TMEM131L: variants seen among roughly 807,000 people sequenced by gnomAD.
TMEM131L encodes the protein transmembrane protein 131-like.
TMEM131L carries 54 observed loss-of-function variants against 192.2 expected under a neutral mutation model. The observed-to-expected ratio is 0.28, with a 90% confidence interval of 0.23 to 0.35. The LOEUF is 0.35. Among genes scored for constraint, TMEM131L ranks in the 10% least tolerant of loss-of-function variants. TMEM131L has a pLI of 1.00. For synonymous variants in TMEM131L, 701 were observed against 704.9 expected, an observed-to-expected ratio of 0.99 and a Z score of 0.09; for missense variants, 1,888 against 1,972.9, an observed-to-expected ratio of 0.96 and a Z score of 0.82.
chr4:153,553,582 A>G (rs1319413692), intron 4 of TMEM131L, among the ~76,000 whole-genome samples: 1 of 152,036 alleles, frequency 6.6e-6, no homozygotes, highest in Admixed American at 6.6e-5. Context: ...CTTTAGCCTG[A>G]GGGTTCTCCT....
rs770529108 is a variant in TMEM131L, at chr4:153,583,237, A to G, written c.940A>G (p.Ile314Val). 1.4e-6 allele frequency: 2 copies of G among 1,426,464 alleles called. No individual in the cohort carries two copies. The highest frequency in any genetic ancestry group is 2.0e-6 in the Non-Finnish European group (2 of 1,009,348). The allele number at this position is 1,426,464 out of a possible 1,614,324, so 88.4% of individuals were successfully genotyped here. A position where few individuals can be genotyped will look rare whatever the true frequency, so the allele number is the denominator to read the frequency against. Residue 314 changes from isoleucine to valine, a missense_variant, in exon 10 of 35, where the codon ATA (isoleucine) becomes GTA (valine). Transcript: ENST00000409959. Reference protein sequence around the residue: ...MYILHSGNSLIWIQDIRHFSQ... With the variant: ...MYILHSGNSLVWIQDIRHFSQ... ...TATATTACATTCAGGAAACAGCCTT[A>G]TATGGATACAGGTAATTGTAAATGC...
intron 26 of TMEM131L, among the ~76,000 whole-genome samples, chr4:153,617,479 C>CA (rs1733062006): frequency 6.6e-6 from 1 of 152,132 alleles, no homozygotes; most frequent in African/African-American, 2.4e-5. Context: ...CTCTGTGCGG[C>CA]AAAAATTGTT....
chr4:153,533,142 A>G (rs1212651795), intron 3 of TMEM131L, among the ~76,000 whole-genome samples: 2 of 152,006 alleles, frequency 1.3e-5, no homozygotes, highest in African/African-American at 4.8e-5. Flanking sequence ...ATGCACTACC[A>G]CACCCGGCTA....
intron 21 of TMEM131L, among the ~76,000 whole-genome samples, chr4:153,601,169 A>T (rs1395116642): frequency 6.6e-6 from 1 of 151,892 alleles, no homozygotes; most frequent in Non-Finnish European, 1.5e-5. Flanking sequence ...TACAATATTT[A>T]TTATTCCATT....
chr4:153,513,863 A>C (rs1220633209), intron 3 of TMEM131L, among the ~76,000 whole-genome samples: 1 of 152,214 alleles, frequency 6.6e-6, no homozygotes, highest in African/African-American at 2.4e-5. Context: ...AATTACACTA[A>C]AAATTCTTGA....
At chr4:153,477,329 C>G (rs968636963) in intron 3 of TMEM131L, among the ~76,000 whole-genome samples, 1 of 152,102 alleles carries the variant, frequency 6.6e-6, no homozygotes, top group African/African-American at 2.4e-5. Flanking sequence ...CTCTGGAGCT[C>G]GGAGGCCAGG....
At chr4:153,582,420 G>GTTTTTTTTTTTTTTTTTTTT (rs1216119441) in intron 9 of TMEM131L, among the ~76,000 whole-genome samples, 7 of 81,834 alleles carry the variant, frequency 8.6e-5, no homozygotes, top group Non-Finnish European at 1.4e-4. Flanking sequence ...AATTTAAACC[G>GTTTTTTTTTTTTTTTTTTTT]TTTTTTTTTG....
chr4:153,583,226 G>A lies in TMEM131L; in HGVS notation c.929G>A (p.Gly310Glu), dbSNP rs911121946. 8 of 1,465,466 alleles carry A rather than the reference G, an allele frequency of 5.5e-6. No homozygotes were observed. The highest frequency in any genetic ancestry group is 4.2e-5 in the African/African-American group (3 of 71,906). 90.8% of individuals were successfully genotyped at this position (1,465,466 alleles called of 1,614,324 possible). A position where few individuals can be genotyped will look rare whatever the true frequency, so the allele number is the denominator to read the frequency against. ...GTAAATATGTATATATTACATTCAG[G>A]AAACAGCCTTATATGGATACAGGTA... Reference protein sequence around the residue: ...SAVNMYILHSGNSLIWIQDIR... With the variant: ...SAVNMYILHSENSLIWIQDIR... The change falls in exon 10 of 35, where the codon GGA becomes GAA. Residue 310 changes from glycine to glutamate, a missense_variant. Transcript: ENST00000409959.
At chr4:153,485,664 C>A (rs1258522436) in intron 3 of TMEM131L, among the ~76,000 whole-genome samples, 1 of 152,122 alleles carries the variant, frequency 6.6e-6, no homozygotes, top group African/African-American at 2.4e-5. Flanking sequence ...GAATTACAAT[C>A]CAAACAGTGT....
At chr4:153,531,167 C>A (rs1036811874) in intron 3 of TMEM131L, among the ~76,000 whole-genome samples, 1 of 152,178 alleles carries the variant, frequency 6.6e-6, no homozygotes, top group African/African-American at 2.4e-5. Context: ...CTAGTGGATG[C>A]ATGTACACTG....
rs1205369932 is a variant in TMEM131L, at chr4:153,467,292, C to T, written c.195+11C>T. On this transcript the variant is annotated intron_variant, in intron 2 of 34. Coordinates refer to ENST00000409959, the MANE Select transcript of TMEM131L (RefSeq NM_001131007.2). Reference sequence around the variant, plus strand: ...CTGCTGCCCACTCAGGTGAGGACGACCAGGTGACAGGGCGGCTGTGGGTGT... The same window carrying T: ...CTGCTGCCCACTCAGGTGAGGACGATCAGGTGACAGGGCGGCTGTGGGTGT... The T allele has an allele frequency of 1.7e-5, 27 of 1,550,704 alleles. 2 individuals are homozygous for T. The African/African-American group carries it at 2.1e-4, about 12-fold the overall frequency.
At chr4:153,509,574 A>G (rs1269598476) in intron 3 of TMEM131L, among the ~76,000 whole-genome samples, 2 of 151,694 alleles carry the variant, frequency 1.3e-5, no homozygotes, top group Non-Finnish European at 1.5e-5. Context: ...AAAAATACCA[A>G]AATCAGCCAG....
chr4:153,526,532 A>G (rs1375821155), intron 3 of TMEM131L, among the ~76,000 whole-genome samples: 1 of 152,012 alleles, frequency 6.6e-6, no homozygotes, highest in Admixed American at 6.5e-5. Flanking sequence ...CAGGAGATTG[A>G]GACCATCCCG....
chr4:153,521,336 G>A (rs1419063578), intron 3 of TMEM131L, among the ~76,000 whole-genome samples: 3 of 152,106 alleles, frequency 2.0e-5, no homozygotes, highest in South Asian at 2.1e-4. Context: ...AGGCAGGACC[G>A]TTTCAAATGC....
chr4:153,547,247 G>T (rs1350908993), intron 3 of TMEM131L, among the ~76,000 whole-genome samples: 2 of 152,172 alleles, frequency 1.3e-5, no homozygotes, highest in Non-Finnish European at 2.9e-5. Context: ...TCTAGGTTTG[G>T]CCCTAAATGT....
At chr4:153,593,582 T>C (rs1010340932) in intron 18 of TMEM131L, among the ~76,000 whole-genome samples, 2 of 152,136 alleles carry the variant, frequency 1.3e-5, no homozygotes, top group Non-Finnish European at 2.9e-5. Flanking sequence ...TTATTGATCA[T>C]TGACAATATG....
At chr4:153,634,422 G>A in intron 33 of TMEM131L, 142 bp downstream of exon 33, 1 of 670,948 alleles carries the variant, frequency 1.5e-6, no homozygotes, top group African/African-American at 1.8e-5. Context: ...ATGGCTTCAT[G>A]TGGATCCAGT....
At chr4:153,566,292 C>A (rs1393861062) in intron 7 of TMEM131L, among the ~76,000 whole-genome samples, 2 of 151,976 alleles carry the variant, frequency 1.3e-5, no homozygotes, top group African/African-American at 4.8e-5. Flanking sequence ...CCCGCAAGCA[C>A]GCCCAGATAA....
At chr4:153,564,021 G>A (rs888874977) in intron 7 of TMEM131L, among the ~76,000 whole-genome samples, 1 of 151,936 alleles carries the variant, frequency 6.6e-6, no homozygotes, top group Non-Finnish European at 1.5e-5. Flanking sequence ...AGATGCGGTG[G>A]CTCACACCTG....
Sources: allele counts gnomAD v4.1 joint callset (sites outside exome capture counted in the v4.1 genomes callset), GRCh38; gene constraint gnomAD v4.1.1; transcripts MANE v1.5; gene names NCBI Gene and HGNC (gene_info 2026-07-23, HGNC 2026-07-21).